PCDHGA10: variants seen among roughly 807,000 people sequenced by gnomAD.
PCDHGA10 encodes protocadherin gamma subfamily A, 10, also known as protocadherin gamma-A10.
PCDHGA10 carries 42 observed loss-of-function variants against 59.5 expected under a neutral mutation model. That is an observed-to-expected ratio of 0.71 (90% CI 0.55 to 0.91). The LOEUF (loss-of-function observed/expected upper bound fraction) is 0.91, where lower values mean the gene tolerates loss of function less well. PCDHGA10 is among the 40% of genes least tolerant of loss of function. PCDHGA10 has a pLI of 0.00. For synonymous variants in PCDHGA10, 511 were observed against 517.2 expected (o/e 0.99, Z 0.16); for missense variants, 1,111 against 1,198.2 (o/e 0.93, Z 1.07).
At position 141,447,418 on chromosome 5, in the gene PCDHGA10, G is replaced by A. The variant is rs113957183; in HGVS notation, c.2436+31807G>A. On this transcript the variant is annotated intron_variant, in intron 1 of 3. Transcript: ENST00000398610. ...CTCCCAAAGTGCTGGGATTACAGGC[G>A]TGAGCCACCGCACCCGGAGGAAATT... Among the ~76,000 whole-genome samples, 1,263 of 152,230 alleles carry A rather than the reference G, an allele frequency of 8.3e-3. 17 individuals carry two copies. The highest frequency in any genetic ancestry group is 0.029 in the African/African-American group (1,197 of 41,538).
Position 141,490,849 on chromosome 5 carries a change from C to A in PCDHGA10, c.2437-3958C>A, listed in dbSNP as rs200640560. The A allele has an allele frequency of 6.2e-7, 1 of 1,613,748 alleles. No individual in the cohort carries two copies. Among genetic ancestry groups the A allele is most frequent in the Non-Finnish European group, 8.5e-7 (1 of 1,179,862 alleles). On this transcript the variant is annotated intron_variant, in intron 1 of 3. Coordinates refer to ENST00000398610, the MANE Select transcript of PCDHGA10 (RefSeq NM_018913.3). This position sits in a 1 kb window ranked among gnomAD's most constrained non-coding sequence, Gnocchi z 5.4. ...GATGCTGCAGATTGTGGTGGGGGTT[C>A]GAGACTCCGGCTCTCCCCCATTGCA...
chr5:141,418,928 A>G, intron 1 of PCDHGA10: 1 of 1,613,978 alleles, frequency 6.2e-7, no homozygotes, highest in Non-Finnish European at 8.5e-7. Context: ...TGATCAGATT[A>G]TGGAGGATTC....
At position 141,489,599 on chromosome 5, in the gene PCDHGA10, A is replaced by T; in HGVS notation, c.2437-5208A>T. The T allele has an allele frequency of 6.2e-7, 1 of 1,614,020 alleles. No homozygotes were observed. The highest frequency in any genetic ancestry group is 8.5e-7 in the Non-Finnish European group (1 of 1,179,970). On this transcript the variant is annotated intron_variant, in intron 1 of 3. Coordinates refer to ENST00000398610, the MANE Select transcript of PCDHGA10 (RefSeq NM_018913.3). This position sits in a 1 kb window ranked among gnomAD's most constrained non-coding sequence, Gnocchi z 4.5. ...CACCCCCTGGAGCTAATCCGTGTAGAGGTAGAGATCCTGGATCTCAATGAC... is the reference window on the plus strand; with the variant it reads ...CACCCCCTGGAGCTAATCCGTGTAGTGGTAGAGATCCTGGATCTCAATGAC...
intron 1 of PCDHGA10, 177 bp from the exon 2 acceptor site, chr5:141,494,630 C>T (rs991482599): frequency 5.8e-6 from 5 of 866,562 alleles, no homozygotes; most frequent in Non-Finnish European, 6.9e-6. Flanking sequence ...GTACCTCAGA[C>T]CTCTGAGACC....
At chr5:141,469,807 T>C (rs1294838215) in intron 1 of PCDHGA10, among the ~76,000 whole-genome samples, 1 of 152,070 alleles carries the variant, frequency 6.6e-6, no homozygotes, top group African/African-American at 2.4e-5. Context: ...AAAAACATTG[T>C]AGATAGAATG....
chr5:141,503,556 G>A (rs1021346255), intron 2 of PCDHGA10, among the ~76,000 whole-genome samples: 1 of 145,962 alleles, frequency 6.9e-6, no homozygotes, highest in East Asian at 2.0e-4. Context: ...CCGAGATCGC[G>A]CCACTGTACT....
intron 1 of PCDHGA10, among the ~76,000 whole-genome samples, chr5:141,447,143 T>G (rs1484774611): frequency 2.6e-5 from 4 of 152,132 alleles, no homozygotes; most frequent in Admixed American, 6.6e-5. Flanking sequence ...TTGTTTTTTG[T>G]TTTTGTTTTT....
At chr5:141,422,272 A>G in intron 1 of PCDHGA10, 1 of 1,561,362 alleles carries the variant, frequency 6.4e-7, no homozygotes, top group Non-Finnish European at 8.6e-7. Context: ...TCCAGAAATA[A>G]CTATCACCTC....
chr5:141,419,175 C>A lies in PCDHGA10; in HGVS notation c.2436+3564C>A, dbSNP rs185228661. On this transcript the variant is annotated intron_variant, in intron 1 of 3. Transcript: ENST00000398610. Reference sequence around the variant, plus strand: ...CCGTTATCCTCCAGCAAAACCATAACCCTGCACATTACTGACGTCAATGAC... The same window carrying A: ...CCGTTATCCTCCAGCAAAACCATAAACCTGCACATTACTGACGTCAATGAC... The A allele has an allele frequency of 5.2e-4, 837 of 1,613,966 alleles. 3 individuals carry two copies. Among genetic ancestry groups the A allele is most frequent in the Non-Finnish European group, 9.3e-5 (110 of 1,179,894 alleles).
intron 2 of PCDHGA10, among the ~76,000 whole-genome samples, chr5:141,505,117 G>A (rs575627148): frequency 1.8e-4 from 27 of 152,226 alleles, no homozygotes; most frequent in African/African-American, 3.6e-4. Context: ...AGCCAAGATC[G>A]CGCCACTGCA....
chr5:141,428,073 G>A (rs2097106496), intron 1 of PCDHGA10: 1 of 1,609,082 alleles, frequency 6.2e-7, no homozygotes, highest in Admixed American at 1.7e-5. Flanking sequence ...CGCAGATTCG[G>A]GACACAACGC....
chr5:141,482,661 T>A (rs1215403061), intron 1 of PCDHGA10, among the ~76,000 whole-genome samples: 2 of 151,742 alleles, frequency 1.3e-5, no homozygotes, highest in African/African-American at 4.9e-5. Flanking sequence ...TGAGCTATGA[T>A]CTAAAGGTTG....
intron 3 of PCDHGA10, among the ~76,000 whole-genome samples, chr5:141,508,957 C>T (rs1242113190): frequency 6.6e-6 from 1 of 151,976 alleles, no homozygotes; most frequent in Non-Finnish European, 1.5e-5. Context: ...GAAATGTCAG[C>T]GGAATGAAAG....
Position 141,489,267 on chromosome 5 carries a change from C to T in PCDHGA10, c.2437-5540C>T, listed in dbSNP as rs370726160. 27 of 1,553,302 alleles carry T rather than the reference C, an allele frequency of 1.7e-5. No individual in the cohort carries two copies. Among genetic ancestry groups the T allele is most frequent in the African/African-American group, 8.2e-5 (6 of 73,324 alleles). ...TGGGGCCCAAGACACTCCCACAGCT[C>T]GCTGGGAAATGGCAAGTGCTGTGCA... On this transcript the variant is annotated intron_variant, in intron 1 of 3. Transcript: ENST00000398610. This position sits in a 1 kb window ranked among gnomAD's most constrained non-coding sequence, Gnocchi z 4.5.
intron 1 of PCDHGA10, chr5:141,478,229 T>C: frequency 6.2e-7 from 1 of 1,614,074 alleles, no homozygotes; most frequent in Non-Finnish European, 8.5e-7. Flanking sequence ...TTCTGTGGGG[T>C]TTGTGGTCAC....
chr5:141,476,666 G>T lies in PCDHGA10; in HGVS notation c.2437-18141G>T. 9 of 1,614,246 alleles carry T rather than the reference G, an allele frequency of 5.6e-6. No homozygotes were observed. Among genetic ancestry groups the T allele is most frequent in the Non-Finnish European group, 7.6e-6 (9 of 1,180,044 alleles). ...CCGAAATGAATACTTTGCGCTTCGC[G>T]TGCAGACGCGGGAGGACAGCACCAA... On this transcript the variant is annotated intron_variant, in intron 1 of 3. Transcript: ENST00000398610. This position sits in a 1 kb window ranked among gnomAD's most constrained non-coding sequence, Gnocchi z 7.6.
chr5:141,423,759 G>C, intron 1 of PCDHGA10: 1 of 321,042 alleles, frequency 3.1e-6, no homozygotes, highest in Non-Finnish European at 4.5e-6. Flanking sequence ...TTGGGGGGGG[G>C]GTGGGGCGGC....
At chr5:141,421,303 G>C in intron 1 of PCDHGA10, 1 of 1,613,660 alleles carries the variant, frequency 6.2e-7, no homozygotes, top group Non-Finnish European at 8.5e-7. Context: ...GACGCTGCGG[G>C]GGTTCCGGGC....
chr5:141,469,821 G>GTCAC (rs2099212195), intron 1 of PCDHGA10, among the ~76,000 whole-genome samples: 1 of 152,028 alleles, frequency 6.6e-6, no homozygotes, highest in African/African-American at 2.4e-5. Flanking sequence ...TAGAATGGAG[G>GTCAC]TCACATAAAA....
Sources: allele counts gnomAD v4.1 joint callset (sites outside exome capture counted in the v4.1 genomes callset), GRCh38; gene constraint gnomAD v4.1.1; non-coding constraint Gnocchi (gnomAD v3.1); transcripts MANE v1.5; gene names NCBI Gene and HGNC (gene_info 2026-07-23, HGNC 2026-07-21).